Variants in LY86 observed in about 807,000 individuals in gnomAD.
LY86 encodes the protein lymphocyte antigen 86, also known as MD-1, RP105-associated.
LY86 carries 20 observed loss-of-function variants against 17.3 expected under a neutral mutation model. The ratio of observed to expected loss-of-function variants is 1.15; its 90% CI spans 0.81 to 1.68. The LOEUF is 1.68. LY86 is among the 40% of genes most tolerant of loss of function. The pLI, the probability that LY86 is intolerant of heterozygous loss-of-function variation, is 0.00. For synonymous variants in LY86, 74 were observed against 70.6 expected, an observed-to-expected ratio of 1.05 and a Z score of -0.24; for missense variants, 200 against 191.9, an observed-to-expected ratio of 1.04 and a Z score of -0.25.
chr6:6,651,799 T>C (rs1176412541), intron 4 of LY86, among the ~76,000 whole-genome samples: 2 of 152,060 alleles, frequency 1.3e-5, no homozygotes, highest in Non-Finnish European at 2.9e-5. Flanking sequence ...CTCATGCCTG[T>C]AACCCCAGCA....
At chr6:6,626,524 C>A in intron 3 of LY86, 103 bp downstream of exon 3, 2 of 1,361,626 alleles carry the variant, frequency 1.5e-6, no homozygotes, top group South Asian at 2.6e-5. Flanking sequence ...TGTCTCTGCC[C>A]CTCGCCTTTG....
chr6:6,644,256 G>A (rs865845715), intron 3 of LY86, among the ~76,000 whole-genome samples: 8 of 152,272 alleles, frequency 5.3e-5, no homozygotes, highest in Middle Eastern at 6.8e-3. Context: ...GGGTGCAGTG[G>A]TTCAGGCCTG....
At chr6:6,625,078 A>G (rs1761762263) in intron 2 of LY86, 66 bp downstream of exon 2, 1 of 699,664 alleles carries the variant, frequency 1.4e-6, no homozygotes, top group Non-Finnish European at 2.4e-6. Context: ...CCACACACCC[A>G]ATGACTTATG....
intron 1 of LY86, among the ~76,000 whole-genome samples, chr6:6,613,242 G>A (rs112423111): frequency 0.035 from 5,282 of 152,382 alleles, 115 homozygotes; most frequent in Middle Eastern, 0.075. Flanking sequence ...AGGGCCGCAG[G>A]TGGAGCTGCC....
chr6:6,644,879 A>AT (rs1409437273), intron 3 of LY86, among the ~76,000 whole-genome samples: 1 of 152,108 alleles, frequency 6.6e-6, no homozygotes, highest in Non-Finnish European at 1.5e-5. Context: ...TGAAAATTTA[A>AT]TTTTAGGTGT....
chr6:6,619,793 GA>G (rs2113132790), intron 1 of LY86, among the ~76,000 whole-genome samples: 1 of 152,284 alleles, frequency 6.6e-6, no homozygotes, highest in South Asian at 2.1e-4. Flanking sequence ...ATGGTAGCCA[GA>G]TCTAAGTACT....
In LY86 at chr6:6,634,213, T is replaced by A. The variant is rs77911948; in HGVS notation, c.352+7792T>A. ...GTGTGCAAATGCAAGCTAGAGAAAA[T>A]AATTAGGTTTAAACTTGATTTTAAA... On this transcript the variant is annotated intron_variant, in intron 3 of 4. Coordinates refer to ENST00000230568, the MANE Select transcript of LY86 (RefSeq NM_004271.4). Among the ~76,000 whole-genome samples, 789 of 152,238 alleles carry A rather than the reference T, an allele frequency of 5.2e-3. 1 individual carries two copies. Among genetic ancestry groups the A allele is most frequent in the Non-Finnish European group, 8.6e-3 (588 of 68,012 alleles).
At chr6:6,624,826 A>G (rs1328609918) in intron 1 of LY86, 100 bp from the exon 2 acceptor site, 2 of 630,352 alleles carry the variant, frequency 3.2e-6, no homozygotes, top group African/African-American at 3.8e-5. Flanking sequence ...TTTTGAATAA[A>G]TGTAGCAATT....
intron 1 of LY86, among the ~76,000 whole-genome samples, chr6:6,605,393 C>A (rs1335185626): frequency 6.6e-6 from 1 of 152,238 alleles, no homozygotes; most frequent in African/African-American, 2.4e-5. Context: ...CTTCCAAACT[C>A]ATGTGAGTAC....
chr6:6,612,400 G>C (rs757786564), intron 1 of LY86, among the ~76,000 whole-genome samples: 2 of 152,182 alleles, frequency 1.3e-5, no homozygotes, highest in Non-Finnish European at 2.9e-5. Flanking sequence ...CCCCCAGTGG[G>C]TACCTAGTCT....
At chr6:6,598,714 T>C (rs1760795516) in intron 1 of LY86, among the ~76,000 whole-genome samples, 1 of 150,906 alleles carries the variant, frequency 6.6e-6, no homozygotes, top group Non-Finnish European at 1.5e-5. Context: ...TATTGTATAT[T>C]GACCTGGCCT....
At chr6:6,632,273 G>A (rs1761908181) in intron 3 of LY86, among the ~76,000 whole-genome samples, 1 of 152,168 alleles carries the variant, frequency 6.6e-6, no homozygotes, top group Non-Finnish European at 1.5e-5. Context: ...CAGAGAGCAG[G>A]CCTGGAGGTC....
At chr6:6,590,749 G>A (rs1481512911) in intron 1 of LY86, among the ~76,000 whole-genome samples, 1 of 152,164 alleles carries the variant, frequency 6.6e-6, no homozygotes, top group Admixed American at 6.5e-5. Flanking sequence ...AGTTGATTAA[G>A]CATCTGAATT....
intron 1 of LY86, among the ~76,000 whole-genome samples, chr6:6,624,048 G>C (rs577040900): frequency 7.9e-4 from 120 of 152,314 alleles, no homozygotes; most frequent in African/African-American, 2.6e-3. Flanking sequence ...GAATGAGCAA[G>C]ACCTGAGGAT....
intron 4 of LY86, among the ~76,000 whole-genome samples, chr6:6,653,473 T>A (rs1315184481): frequency 6.6e-6 from 1 of 152,054 alleles, no homozygotes; most frequent in East Asian, 1.9e-4. Flanking sequence ...ACATCACCGC[T>A]CCGTGGCTGC....
intron 4 of LY86, among the ~76,000 whole-genome samples, chr6:6,651,622 C>G (rs963827863): frequency 2.6e-5 from 4 of 152,200 alleles, no homozygotes; most frequent in Non-Finnish European, 5.9e-5. Flanking sequence ...TGACCCTCCT[C>G]CCAACTAGAG....
intron 1 of LY86, among the ~76,000 whole-genome samples, chr6:6,613,495 T>C (rs1441470732): frequency 6.6e-6 from 1 of 152,124 alleles, no homozygotes; most frequent in Non-Finnish European, 1.5e-5. Context: ...GCCCAGGTGC[T>C]AAGCTCCTCA....
chr6:6,647,239 T>C (rs974886699), intron 3 of LY86, among the ~76,000 whole-genome samples: 1 of 152,196 alleles, frequency 6.6e-6, no homozygotes, highest in African/African-American at 2.4e-5. Flanking sequence ...AGCCTTCCTT[T>C]CCACCTTCTT....
chr6:6,603,603 C>CA (rs1207511602), intron 1 of LY86, among the ~76,000 whole-genome samples: 30,171 of 68,892 alleles, frequency 0.44, 5,369 homozygotes, highest in East Asian at 0.64. Flanking sequence ...AAAACAGAAA[C>CA]AGAAAAAAAA....
Sources: allele counts gnomAD v4.1 joint callset (sites outside exome capture counted in the v4.1 genomes callset), GRCh38; gene constraint gnomAD v4.1.1; transcripts MANE v1.5; gene names NCBI Gene and HGNC (gene_info 2026-07-23, HGNC 2026-07-21).